TPX2: variants seen among roughly 807,000 people sequenced by gnomAD.
The protein encoded by TPX2 is TPX2 microtubule nucleation factor.
Under a neutral mutation model 93.6 loss-of-function variants are expected in TPX2, and 21 were observed. That is an observed-to-expected ratio of 0.22 (90% CI 0.16 to 0.32). The LOEUF (loss-of-function observed/expected upper bound fraction) is 0.32. Among genes scored for constraint, TPX2 ranks in the 10% least tolerant of loss-of-function variants. The pLI is 1.00. For synonymous variants in TPX2, 281 were observed against 298.3 expected (o/e 0.94, Z 0.60); for missense variants, 776 against 871.1 (o/e 0.89, Z 1.37).
intron 10 of TPX2, chr20:31,780,928 T>C: frequency 2.4e-6 from 1 of 409,868 alleles, no homozygotes; most frequent in Non-Finnish European, 4.7e-6. Context: ...CCTTCTTGTT[T>C]TGCTTTTTAG....
At chr20:31,754,971 G>C (rs559475827) in intron 2 of TPX2, among the ~76,000 whole-genome samples, 1 of 152,010 alleles carries the variant, frequency 6.6e-6, no homozygotes. Flanking sequence ...TTTTTGAGCC[G>C]GAGTCTCGCT....
Position 31,782,889 on chromosome 20 carries a change from TACACACACACACACACAC to T in TPX2, c.1196+525_1196+542del, listed in dbSNP as rs71926112. Among the ~76,000 whole-genome samples the T allele has an allele frequency of 9.1e-5, 13 of 142,756 alleles. No homozygotes were observed. In the East Asian group the frequency reaches 2.1e-3, roughly 23 times the overall value. The allele number at this position is 142,756 out of a possible 152,430, so 93.7% of individuals were successfully genotyped here. ...CGAGACTGTCTTGCACATACACACA[TACACACACACACACACAC>T]ACACACACACACACACACACACACA... On this transcript the variant is annotated intron_variant, in intron 11 of 17. Transcript: ENST00000300403.
intron 5 of TPX2, among the ~76,000 whole-genome samples, chr20:31,768,199 G>A (rs896055747): frequency 3.5e-4 from 53 of 151,112 alleles, no homozygotes; most frequent in South Asian, 1.0e-3. Flanking sequence ...CTCCTAGAGT[G>A]CTGAGATTAC....
In TPX2 at chr20:31,750,428, A is replaced by G. The variant is rs969973069; in HGVS notation, c.-70-6979A>G. On this transcript the variant is annotated intron_variant, in intron 2 of 17. Transcript: ENST00000300403. ...CTTGGCCTCCCAAAGTGCTGGGATT[A>G]CAGGTGTGAGCCACCGTGCCCGGCT... 6.6e-5 allele frequency among the ~76,000 whole-genome samples: 10 copies of G among 152,096 alleles called. No individual in the cohort carries two copies. The South Asian group carries it at 1.2e-3, about 19-fold the overall frequency.
chr20:31,775,766 TTA>T, intron 7 of TPX2, 99 bp from the exon 8 acceptor site: 1 of 1,230,536 alleles, frequency 8.1e-7, no homozygotes, highest in Non-Finnish European at 1.0e-6. Flanking sequence ...GATGATTATC[TTA>T]TCACAGGTTA....
At chr20:31,768,621 C>A (rs1220538479) in intron 5 of TPX2, among the ~76,000 whole-genome samples, 1 of 152,088 alleles carries the variant, frequency 6.6e-6, no homozygotes, top group East Asian at 1.9e-4. Flanking sequence ...TAAATTCAGG[C>A]ACATTTATCT....
intron 8 of TPX2, among the ~76,000 whole-genome samples, chr20:31,776,906 G>A (rs2062003569): frequency 6.6e-6 from 1 of 152,102 alleles, no homozygotes; most frequent in South Asian, 2.1e-4. Context: ...TAAAGTAATT[G>A]GGCAGACCAG....
At position 31,797,497 on chromosome 20, in the gene TPX2, G is replaced by A. The variant is rs1334947984; in HGVS notation, c.1927G>A (p.Glu643Lys). Residue 643 changes from glutamate to lysine, a missense_variant, in exon 16 of 18, where the codon GAG becomes AAG. Coordinates refer to ENST00000300403, the MANE Select transcript of TPX2 (RefSeq NM_012112.5). Reference protein sequence around the residue: ...ISQEPFVPKKEKKSVAEGLSG... With the variant: ...ISQEPFVPKKKKKSVAEGLSG... ...TCAGGAGCCCTTTGTTCCCAAGAAA[G>A]AGAAGAAATCAGTTGCTGGTAGTAT... 1.2e-6 allele frequency: 2 copies of A among 1,613,998 alleles called. No individual in the cohort carries two copies. Among genetic ancestry groups the A allele is most frequent in the South Asian group, 2.2e-5 (2 of 91,062 alleles).
intron 2 of TPX2, among the ~76,000 whole-genome samples, chr20:31,748,022 T>G (rs1235289043): frequency 6.6e-6 from 1 of 152,160 alleles, no homozygotes; most frequent in Non-Finnish European, 1.5e-5. Context: ...GCTTTTCGTT[T>G]TCTTGATGTA....
intron 15 of TPX2, among the ~76,000 whole-genome samples, chr20:31,795,142 TG>T (rs2062129389): frequency 1.3e-5 from 2 of 148,524 alleles, no homozygotes; most frequent in Non-Finnish European, 3.0e-5. Flanking sequence ...ACTCTTTTTT[TG>T]TTTGGTTTGA....
chr20:31,760,145 T>C lies in TPX2; in HGVS notation c.195T>C (p.Asn65=), dbSNP rs1221716816. ...GCAAAACTCCTTTGAGAAAGGCTAA[T>C]CTTCAGCAAGCTATTGTCACACCTT... is the stretch of plus-strand genomic sequence containing the variant. ...FQGKTPLRKA[N]LQQAIVTPLK... The change falls in exon 4 of 18, where the codon AAT becomes AAC. Residue 65 remains asparagine, a synonymous_variant. Transcript: ENST00000300403. 2.5e-6 allele frequency: 4 copies of C among 1,613,828 alleles called. No individual in the cohort carries two copies. The highest frequency in any genetic ancestry group is 3.4e-6 in the Non-Finnish European group (4 of 1,179,958).
At chr20:31,789,085 C>G (rs1033210855) in intron 12 of TPX2, among the ~76,000 whole-genome samples, 1 of 152,154 alleles carries the variant, frequency 6.6e-6, no homozygotes, top group Non-Finnish European at 1.5e-5. Flanking sequence ...AACCACATAT[C>G]ACCTCTTTAG....
At chr20:31,779,970 G>A (rs2123050817) in intron 10 of TPX2, among the ~76,000 whole-genome samples, 1 of 152,330 alleles carries the variant, frequency 6.6e-6, no homozygotes, top group East Asian at 1.9e-4. Flanking sequence ...GTTGTTGGGA[G>A]TATAGGGATA....
At chr20:31,760,312 C>T in intron 4 of TPX2, 133 bp downstream of exon 4, 1 of 1,174,240 alleles carries the variant, frequency 8.5e-7, no homozygotes, top group Non-Finnish European at 1.2e-6. Context: ...TAATTCATTT[C>T]ATGATAAATG....
intron 7 of TPX2, among the ~76,000 whole-genome samples, chr20:31,774,070 C>T (rs1007159453): frequency 6.6e-6 from 1 of 151,886 alleles, no homozygotes; most frequent in African/African-American, 2.4e-5. Context: ...TGGGGTTTTA[C>T]CACGTTGGCC....
At chr20:31,764,058 T>C (rs11698373) in intron 4 of TPX2, among the ~76,000 whole-genome samples, 8 of 151,384 alleles carry the variant, frequency 5.3e-5, no homozygotes, top group African/African-American at 1.5e-4. Context: ...CACACACACA[T>C]ACACACATAT....
At chr20:31,747,248 G>T (rs895282224) in intron 2 of TPX2, among the ~76,000 whole-genome samples, 1 of 152,072 alleles carries the variant, frequency 6.6e-6, no homozygotes, top group Non-Finnish European at 1.5e-5. Flanking sequence ...AGCCTCCCGA[G>T]TAGCTGGGAT....
At chr20:31,795,906 A>G (rs1173068188) in intron 15 of TPX2, among the ~76,000 whole-genome samples, 2 of 152,318 alleles carry the variant, frequency 1.3e-5, no homozygotes, top group South Asian at 2.1e-4. Flanking sequence ...GATTCTTTCC[A>G]AAAGGAGCTC....
intron 4 of TPX2, among the ~76,000 whole-genome samples, chr20:31,764,099 A>G (rs1210116570): frequency 4.6e-5 from 6 of 131,448 alleles, no homozygotes; most frequent in African/African-American, 2.2e-4. Context: ...ATATGTACAT[A>G]CATCTAATAT....
Sources: allele counts gnomAD v4.1 joint callset (sites outside exome capture counted in the v4.1 genomes callset), GRCh38; gene constraint gnomAD v4.1.1; transcripts MANE v1.5; gene names NCBI Gene and HGNC (gene_info 2026-07-23, HGNC 2026-07-21).